Variants in ITGB3BP observed in about 807,000 individuals in gnomAD.
ITGB3BP encodes centromere protein R.
Under a neutral mutation model 29.1 loss-of-function variants are expected in ITGB3BP, and 27 were observed. That is an observed-to-expected ratio of 0.93 (90% confidence interval 0.68 to 1.28). The LOEUF is 1.28. ITGB3BP is among the 50% of genes most tolerant of loss of function. The pLI is 0.00. For synonymous variants in ITGB3BP, 61 were observed against 61.4 expected (o/e 0.99, Z 0.03); for missense variants, 192 against 200.2 (o/e 0.96, Z 0.25).
chr1:63,512,521 T>C (rs1286549606), intron 1 of ITGB3BP, among the ~76,000 whole-genome samples: 1 of 152,134 alleles, frequency 6.6e-6, no homozygotes, highest in Non-Finnish European at 1.5e-5. Flanking sequence ...TTAGTTTAAA[T>C]ACAATTTTGA....
At chr1:63,493,344 G>A (rs1308756081) in intron 2 of ITGB3BP, among the ~76,000 whole-genome samples, 1 of 152,080 alleles carries the variant, frequency 6.6e-6, no homozygotes. Flanking sequence ...GGACCCAGGA[G>A]GCAGAGGTTG....
Position 63,523,009 on chromosome 1 carries a change from G to C in ITGB3BP, c.5+120C>G, listed in dbSNP as rs757028722. 3.5e-6 allele frequency: 4 copies of C among 1,157,342 alleles called. No individual in the cohort carries two copies. In the African/African-American group the frequency reaches 4.5e-5, roughly 13 times the overall value. 71.7% of individuals were successfully genotyped at this position (1,157,342 alleles called of 1,614,324 possible). A position where few individuals can be genotyped will look rare whatever the true frequency, so the allele number is the denominator to read the frequency against. ...AAGCGAAGGGAATTGCCTGTGGACA[G>C]AGGAGACAAGTTCATACTCCGAAAA... On this transcript the variant is annotated intron_variant, in intron 1 of 8. Coordinates refer to ENST00000271002, the MANE Select transcript of ITGB3BP (RefSeq NM_014288.5).
At chr1:63,483,725 C>T (rs1265737420) in intron 3 of ITGB3BP, among the ~76,000 whole-genome samples, 2 of 152,276 alleles carry the variant, frequency 1.3e-5, no homozygotes, top group South Asian at 2.1e-4. Context: ...TGACAAACCA[C>T]ATATATGACA....
intron 1 of ITGB3BP, among the ~76,000 whole-genome samples, chr1:63,511,748 A>C (rs1017413924): frequency 6.6e-6 from 1 of 152,090 alleles, no homozygotes; most frequent in Non-Finnish European, 1.5e-5. Context: ...ATGGAGACAA[A>C]AAATAGAATG....
intron 2 of ITGB3BP, among the ~76,000 whole-genome samples, chr1:63,492,107 C>T (rs1177026572): frequency 6.6e-6 from 1 of 151,974 alleles, no homozygotes; most frequent in Non-Finnish European, 1.5e-5. Flanking sequence ...TATGTCTAAA[C>T]ATTTTAACTG....
At chr1:63,459,793 A>G (rs1196031854) in intron 4 of ITGB3BP, among the ~76,000 whole-genome samples, 4 of 152,128 alleles carry the variant, frequency 2.6e-5, no homozygotes, top group African/African-American at 9.7e-5. Context: ...CCATTATATA[A>G]TATTTCCAAA....
chr1:63,528,717 C>A (rs528242446), intron 2 of ITGB3BP, among the ~76,000 whole-genome samples: 5 of 151,736 alleles, frequency 3.3e-5, no homozygotes, highest in Non-Finnish European at 7.4e-5. Flanking sequence ...AAAAAAAGAA[C>A]CTTAGAAAAA....
intron 2 of ITGB3BP, among the ~76,000 whole-genome samples, chr1:63,493,504 C>T (rs944651690): frequency 6.6e-6 from 1 of 152,116 alleles, no homozygotes; most frequent in African/African-American, 2.4e-5. Flanking sequence ...AACACCATTT[C>T]TAAACAAAAG....
intron 4 of ITGB3BP, among the ~76,000 whole-genome samples, chr1:63,461,911 A>G (rs1645024428): frequency 6.6e-6 from 1 of 152,180 alleles, no homozygotes; most frequent in Non-Finnish European, 1.5e-5. Flanking sequence ...GAGTCTTCCA[A>G]CTTTGTCCTT....
At chr1:63,459,264 G>A (rs1447732325) in intron 4 of ITGB3BP, among the ~76,000 whole-genome samples, 1 of 152,066 alleles carries the variant, frequency 6.6e-6, no homozygotes, top group Non-Finnish European at 1.5e-5. Context: ...CTTGTATTTA[G>A]ATTTCTGCCT....
At chr1:63,467,610 A>G (rs1449336726) in intron 4 of ITGB3BP, among the ~76,000 whole-genome samples, 5 of 152,102 alleles carry the variant, frequency 3.3e-5, no homozygotes, top group Non-Finnish European at 7.3e-5. Flanking sequence ...GGCTCAAGCG[A>G]TCCTCCTACC....
At chr1:63,476,682 A>C (rs1199258837) in intron 4 of ITGB3BP, among the ~76,000 whole-genome samples, 1 of 152,234 alleles carries the variant, frequency 6.6e-6, no homozygotes, top group Non-Finnish European at 1.5e-5. Flanking sequence ...TTCAGGGAGA[A>C]AAACAACAGG....
At chr1:63,514,318 C>A (rs1646263772) in intron 1 of ITGB3BP, among the ~76,000 whole-genome samples, 1 of 152,106 alleles carries the variant, frequency 6.6e-6, no homozygotes, top group Non-Finnish European at 1.5e-5. Flanking sequence ...TCCAAGAACA[C>A]CTTTTACAAG....
At chr1:63,464,573 T>C (rs1345853802) in intron 4 of ITGB3BP, among the ~76,000 whole-genome samples, 3 of 152,174 alleles carry the variant, frequency 2.0e-5, no homozygotes, top group Non-Finnish European at 2.9e-5. Flanking sequence ...ATTATGACTA[T>C]GGCAATCATT....
chr1:63,474,785 A>T (rs2100606798), intron 4 of ITGB3BP, among the ~76,000 whole-genome samples: 2 of 151,216 alleles, frequency 1.3e-5, no homozygotes, highest in Non-Finnish European at 3.0e-5. Context: ...TGCCTAGGAA[A>T]ACCAGAGACC....
intron 1 of ITGB3BP, among the ~76,000 whole-genome samples, chr1:63,520,905 A>T (rs1646430542): frequency 6.6e-6 from 1 of 152,218 alleles, no homozygotes; most frequent in African/African-American, 2.4e-5. Context: ...TTTTATAAGG[A>T]TAACAAATGT....
At chr1:63,499,153 AGC>A (rs74603770) in intron 2 of ITGB3BP, among the ~76,000 whole-genome samples, 140 of 122,214 alleles carry the variant, frequency 1.1e-3, no homozygotes, top group Non-Finnish European at 1.9e-3. Context: ...GAATTCCACT[AGC>A]GTTTTTTTTT....
chr1:63,444,473 TATATTACATATA>T (rs1183051304), intron 8 of ITGB3BP, among the ~76,000 whole-genome samples: 16 of 146,602 alleles, frequency 1.1e-4, no homozygotes, highest in African/African-American at 4.0e-4. Flanking sequence ...ATAGGATATA[TATATTACATATA>T]GGATATATAT....
At chr1:63,488,235 T>G (rs1645570094) in intron 3 of ITGB3BP, among the ~76,000 whole-genome samples, 1 of 151,956 alleles carries the variant, frequency 6.6e-6, no homozygotes, top group Non-Finnish European at 1.5e-5. Flanking sequence ...TGCAAGACCT[T>G]GTGGCAAGAA....
Sources: gnomAD v4.1 joint callset for allele counts (sites outside exome capture counted in the v4.1 genomes callset) on GRCh38, gnomAD v4.1.1 for gene constraint, MANE v1.5 for transcripts, NCBI Gene and HGNC (gene_info 2026-07-23, HGNC 2026-07-21) for gene names.